Variants in PDE2A observed in about 807,000 individuals in gnomAD.
PDE2A encodes the protein phosphodiesterase 2A.
In PDE2A, 53 loss-of-function variants were observed where a neutral mutation model predicts 133.6. The observed-to-expected ratio is 0.40, with a 90% confidence interval of 0.32 to 0.50. The LOEUF is 0.50. PDE2A is among the 20% of genes least tolerant of loss of function. PDE2A has a pLI of 0.73. For missense variants in PDE2A, 796 were observed against 1,232.4 expected, an observed-to-expected ratio of 0.65 and a Z score of 5.30; for synonymous variants, 491 against 490.2, an observed-to-expected ratio of 1.00 and a Z score of -0.02.
At chr11:72,612,518 G>A (rs1382367100) in intron 2 of PDE2A, among the ~76,000 whole-genome samples, 2 of 152,148 alleles carry the variant, frequency 1.3e-5, no homozygotes, top group African/African-American at 2.4e-5. Context: ...GTGGCCTTAC[G>A]CAACACCTTT....
intron 2 of PDE2A, among the ~76,000 whole-genome samples, chr11:72,630,241 G>A (rs898157560): frequency 5.3e-5 from 8 of 152,150 alleles, no homozygotes; most frequent in African/African-American, 1.7e-4. Flanking sequence ...GCACAGTCCC[G>A]AGGCTCAAAG....
chr11:72,578,569 T>C lies in PDE2A; in HGVS notation c.2470-55A>G, dbSNP rs529849064. ...CTATGTAGGATACATCCACCCAAGCTCCTCTGACAGCCCGTTCCCAGGAGA... is the reference window on the plus strand; with the variant it reads ...CTATGTAGGATACATCCACCCAAGCCCCTCTGACAGCCCGTTCCCAGGAGA... On this transcript the variant is annotated intron_variant, in intron 28 of 30. Transcript: ENST00000334456. The surrounding 1 kb of genome is among the most constrained non-coding windows in gnomAD (Gnocchi z 4.2). 6.9e-7 allele frequency: 1 copy of C among 1,441,734 alleles called. No individual in the cohort carries two copies. The highest frequency in any genetic ancestry group is 9.8e-7 in the Non-Finnish European group (1 of 1,023,288). 89.3% of individuals were successfully genotyped at this position (1,441,734 alleles called of 1,614,324 possible). A position where few individuals can be genotyped will look rare whatever the true frequency, so the allele number is the denominator to read the frequency against.
chr11:72,579,916 C>T (rs1231224503), intron 25 of PDE2A: 1 of 375,630 alleles, frequency 2.7e-6, no homozygotes, highest in South Asian at 6.3e-5. Context: ...GAGTCCTAGA[C>T]ACCAAATCAT....
chr11:72,579,981 C>T (rs908693972), intron 25 of PDE2A: 3 of 225,974 alleles, frequency 1.3e-5, no homozygotes, highest in African/African-American at 6.8e-5. Context: ...AAGGGCAAGG[C>T]CCCCATTTCC....
At chr11:72,666,255 G>T (rs1214452721) in intron 1 of PDE2A, among the ~76,000 whole-genome samples, 1 of 152,282 alleles carries the variant, frequency 6.6e-6, no homozygotes, top group Middle Eastern at 3.4e-3. Context: ...TCTGCTGCAA[G>T]CCCTATCATC....
Position 72,626,159 on chromosome 11 carries a change from C to A in PDE2A, c.144+16095G>T, listed in dbSNP as rs1858053180. On this transcript the variant is annotated intron_variant, in intron 2 of 30. Transcript: ENST00000334456. ...CATGTGTCTTCTCTGGGTATAAGTC[C>A]CCGGTGCTTTATGCCTCCTCCTTTA... Among the ~76,000 whole-genome samples the A allele has an allele frequency of 3.3e-5, 5 of 152,248 alleles. 1 individual carries two copies. In the South Asian group the frequency reaches 1.0e-3, roughly 32 times the overall value.
Position 72,590,375 on chromosome 11 carries a change from T to C in PDE2A, c.703+52A>G, listed in dbSNP as rs574359272. 1.4e-5 allele frequency: 21 copies of C among 1,554,674 alleles called. No individual in the cohort carries two copies. The South Asian group carries it at 2.5e-4, about 18-fold the overall frequency. ...GATCGCCTAACCCGCCCACCTCCCC[T>C]CCAAGTTCTGCCCGGCCCCGCCCTC... On this transcript the variant is annotated intron_variant, in intron 8 of 30. Coordinates refer to ENST00000334456, the MANE Select transcript of PDE2A (RefSeq NM_002599.5). This position sits in a 1 kb window ranked among gnomAD's most constrained non-coding sequence, Gnocchi z 4.8.
chr11:72,589,836 G>A, intron 10 of PDE2A, 44 bp from the exon 11 acceptor site: 1 of 1,607,932 alleles, frequency 6.2e-7, no homozygotes, highest in East Asian at 2.2e-5. Context: ...AAAGGCAATG[G>A]ATTTCCCCCT....
intron 2 of PDE2A, among the ~76,000 whole-genome samples, chr11:72,614,068 A>G (rs1857345513): frequency 6.6e-6 from 1 of 152,228 alleles, no homozygotes; most frequent in South Asian, 2.1e-4. Context: ...CCAGCACCCA[A>G]GCTGACTCTA....
intron 4 of PDE2A, among the ~76,000 whole-genome samples, chr11:72,604,554 A>C (rs1200926334): frequency 6.6e-6 from 1 of 152,250 alleles, no homozygotes; most frequent in African/African-American, 2.4e-5. Flanking sequence ...TCCTCCCCAC[A>C]ATCCTATAAG....
At chr11:72,632,587 A>G (rs923273350) in intron 2 of PDE2A, among the ~76,000 whole-genome samples, 1 of 152,134 alleles carries the variant, frequency 6.6e-6, no homozygotes, top group Admixed American at 6.5e-5. Context: ...TCACCCAGTC[A>G]TGTCCGGCAG....
intron 2 of PDE2A, chr11:72,631,204 C>T (rs1438587947): frequency 2.2e-6 from 3 of 1,339,408 alleles, no homozygotes; most frequent in African/African-American, 3.0e-5. Flanking sequence ...CCCAGACTGT[C>T]CTCCCATTAG....
Position 72,597,362 on chromosome 11 carries a change from A to G in PDE2A, c.433+148T>C. ...AATTTAGTAGTACAATAGAGAGAGA[A>G]TTAGATGGAGGGACTGCTAGAGACA... is the stretch of plus-strand genomic sequence containing the variant. On this transcript the variant is annotated intron_variant, in intron 5 of 30. Coordinates refer to ENST00000334456, the MANE Select transcript of PDE2A (RefSeq NM_002599.5). The surrounding 1 kb of genome is among the most constrained non-coding windows in gnomAD (Gnocchi z 4.6). The G allele has an allele frequency of 1.7e-6, 1 of 587,894 alleles. No homozygotes were observed. Among genetic ancestry groups the G allele is most frequent in the Non-Finnish European group, 3.0e-6 (1 of 328,802 alleles). 36.4% of individuals were successfully genotyped at this position (587,894 alleles called of 1,614,324 possible).
Position 72,578,298 on chromosome 11 carries a change from C to T in PDE2A, c.2550G>A (p.Arg850=), listed in dbSNP as rs770960472. 25 of 1,613,870 alleles carry T rather than the reference C, an allele frequency of 1.5e-5. No individual in the cohort carries two copies. The East Asian group carries it at 4.7e-4, about 30-fold the overall frequency. ...GCAGCTCAGGGATATAGGCCTTCTC[C>T]CGGTCCATCATCTCCATCGGCCTGT... is the stretch of plus-strand genomic sequence containing the variant. ...MGNRPMEMMD[R]EKAYIPELQI... The change falls in exon 30 of 31, where the codon CGG becomes CGA. Residue 850 remains arginine, a synonymous_variant. Coordinates refer to ENST00000334456, the MANE Select transcript of PDE2A (RefSeq NM_002599.5). This position sits in a 1 kb window ranked among gnomAD's most constrained non-coding sequence, Gnocchi z 4.2.
intron 2 of PDE2A, chr11:72,636,043 C>T (rs1241532403): frequency 2.2e-5 from 28 of 1,273,814 alleles, no homozygotes; most frequent in South Asian, 8.8e-5. Context: ...TAGAGGCAAC[C>T]GTGGATGGGA....
intron 1 of PDE2A, chr11:72,657,730 G>A: frequency 2.2e-6 from 1 of 450,726 alleles, no homozygotes; most frequent in Non-Finnish European, 4.4e-6. Flanking sequence ...TAGGATCTTG[G>A]ATCTGGGGGA....
At chr11:72,587,302 A>C (rs965426957) in intron 13 of PDE2A, among the ~76,000 whole-genome samples, 4 of 152,056 alleles carry the variant, frequency 2.6e-5, no homozygotes, top group Non-Finnish European at 5.9e-5. Flanking sequence ...CATCCCACTC[A>C]CAGCTGAAGG....
Position 72,590,031 on chromosome 11 carries a change from C to T in PDE2A, c.757-50G>A, listed in dbSNP as rs1378258850. The T allele has an allele frequency of 4.0e-6, 6 of 1,506,816 alleles. No individual in the cohort carries two copies. Among genetic ancestry groups the T allele is most frequent in the Admixed American group, 1.9e-5 (1 of 53,068 alleles). 93.3% of individuals were successfully genotyped at this position (1,506,816 alleles called of 1,614,324 possible). The stretch of plus-strand genomic sequence containing the variant: ...GGGGGTGACCGCGGATCCGGGTCAC[C>T]CCACTCCCCACCTGCTCCCCTCTCC... On this transcript the variant is annotated intron_variant, in intron 9 of 30. Transcript: ENST00000334456. The surrounding 1 kb of genome is among the most constrained non-coding windows in gnomAD (Gnocchi z 4.8).
At chr11:72,603,924 C>T (rs1856861103) in intron 4 of PDE2A, among the ~76,000 whole-genome samples, 1 of 152,188 alleles carries the variant, frequency 6.6e-6, no homozygotes, top group Non-Finnish European at 1.5e-5. Flanking sequence ...AAGGAGGGGC[C>T]TCAGGACCAT....
Sources: allele counts gnomAD v4.1 joint callset (sites outside exome capture counted in the v4.1 genomes callset), GRCh38; gene constraint gnomAD v4.1.1; non-coding constraint Gnocchi (gnomAD v3.1); transcripts MANE v1.5; gene names NCBI Gene and HGNC (gene_info 2026-07-23, HGNC 2026-07-21).